The following SGPP1 variants were observed in gnomAD, a reference collection of about 807,000 sequenced individuals.
The protein encoded by SGPP1 is hSPP1.
A neutral mutation model predicts 33.0 loss-of-function variants in SGPP1; 21 were observed. That is an observed-to-expected ratio of 0.64 (90% CI 0.45 to 0.92). The LOEUF (loss-of-function observed/expected upper bound fraction) is 0.92, where lower values mean the gene tolerates loss of function less well. Ranked by LOEUF, SGPP1 falls within the 40% of genes least tolerant of loss-of-function variation. The pLI is 0.00. For synonymous variants in SGPP1, 239 were observed against 241.2 expected (o/e 0.99, Z 0.08); for missense variants, 543 against 589.4 (o/e 0.92, Z 0.81).
rs752165035 is a variant in SGPP1 at position 63,686,485 on chromosome 14, G to C, written c.946C>G (p.Arg316Gly). Residue 316 changes from arginine to glycine, a missense_variant, in exon 3 of 3, where the codon CGA becomes GGA. Coordinates refer to ENST00000247225, the MANE Select transcript of SGPP1 (RefSeq NM_030791.4). ...CCTAGTATCTCGGCTGTGTCTCCTCGGGATGTGCTCCAGGTGTCAAGAGTG... is the reference window on the plus strand; with the variant it reads ...CCTAGTATCTCGGCTGTGTCTCCTCCGGATGTGCTCCAGGTGTCAAGAGTG... ...SFTLDTWSTS[R>G]GDTAEILGSG... The C allele has an allele frequency of 1.2e-6, 2 of 1,613,880 alleles. No individual in the cohort carries two copies. Among genetic ancestry groups the C allele is most frequent in the African/African-American group, 1.3e-5 (1 of 74,866 alleles).
At chr14:63,716,814 C>T (rs1408557631) in intron 1 of SGPP1, among the ~76,000 whole-genome samples, 1 of 152,036 alleles carries the variant, frequency 6.6e-6, no homozygotes, top group East Asian at 1.9e-4. Context: ...CTGCCTCAGC[C>T]TCCCAAGTAG....
intron 2 of SGPP1, among the ~76,000 whole-genome samples, chr14:63,694,409 G>A (rs1885148790): frequency 6.6e-6 from 1 of 151,516 alleles, no homozygotes; most frequent in Admixed American, 6.6e-5. Flanking sequence ...TCCATTATTT[G>A]TTGTCCTCTA....
chr14:63,726,008 T>C (rs1040862855), intron 1 of SGPP1, among the ~76,000 whole-genome samples: 1 of 152,208 alleles, frequency 6.6e-6, no homozygotes, highest in African/African-American at 2.4e-5. Context: ...CATCACCGTA[T>C]AGCTCCTTTG....
At chr14:63,707,637 G>T (rs1171485165) in intron 1 of SGPP1, among the ~76,000 whole-genome samples, 1 of 151,522 alleles carries the variant, frequency 6.6e-6, no homozygotes, top group Non-Finnish European at 1.5e-5. Context: ...CCGGGTTCAA[G>T]CAATTCTCCT....
Position 63,707,535 on chromosome 14 carries a change from ATT to A in SGPP1, c.685-8879_685-8878del, listed in dbSNP as rs113329588. Among the ~76,000 whole-genome samples the A allele has an allele frequency of 1.3e-3, 177 of 138,932 alleles. 1 individual carries two copies. Among genetic ancestry groups the A allele is most frequent in the African/African-American group, 4.2e-3 (155 of 37,234 alleles). 91.1% of individuals were successfully genotyped at this position (138,932 alleles called of 152,430 possible). ...ATTAGTACTTCTTCATTATCTACTGATTTTTTTTTTTTTTTTTGAGATGGAGT... is the reference window on the plus strand; with the variant it reads ...ATTAGTACTTCTTCATTATCTACTGATTTTTTTTTTTTTTTGAGATGGAGT... On this transcript the variant is annotated intron_variant, in intron 1 of 2. Transcript: ENST00000247225.
intron 1 of SGPP1, among the ~76,000 whole-genome samples, chr14:63,724,727 G>T (rs1034153412): frequency 6.6e-6 from 1 of 150,644 alleles, no homozygotes; most frequent in Non-Finnish European, 1.5e-5. Context: ...GCCGATGAGC[G>T]GGGGGCGGCT....
chr14:63,724,664 C>T (rs1178252456), intron 1 of SGPP1, among the ~76,000 whole-genome samples: 5 of 145,288 alleles, frequency 3.4e-5, no homozygotes, highest in South Asian at 2.2e-4. Context: ...GGAGGCCAGG[C>T]GCGGTGGCTC....
chr14:63,707,406 G>A (rs531149872), intron 1 of SGPP1, among the ~76,000 whole-genome samples: 3 of 152,080 alleles, frequency 2.0e-5, no homozygotes, highest in Non-Finnish European at 2.9e-5. Context: ...CTTGTAACAC[G>A]TCAGAGCTAC....
intron 1 of SGPP1, among the ~76,000 whole-genome samples, chr14:63,702,486 G>A (rs1885319435): frequency 1.3e-5 from 2 of 152,082 alleles, no homozygotes; most frequent in African/African-American, 4.8e-5. Flanking sequence ...GAGGCAGGCT[G>A]ATCACTTGAG....
chr14:63,727,007 A>G (rs1315558228), intron 1 of SGPP1, among the ~76,000 whole-genome samples: 2 of 152,230 alleles, frequency 1.3e-5, no homozygotes, highest in African/African-American at 4.8e-5. Flanking sequence ...ACTCTAGGAA[A>G]AGTGTGTCCT....
chr14:63,699,988 G>A (rs537173728), intron 1 of SGPP1, among the ~76,000 whole-genome samples: 1 of 151,438 alleles, frequency 6.6e-6, no homozygotes, highest in Admixed American at 6.6e-5. Flanking sequence ...TTTGAGACAG[G>A]GTCTTACTCT....
intron 1 of SGPP1, among the ~76,000 whole-genome samples, chr14:63,701,918 C>CAAAAAAAAAAAAAAAA (rs549492142): frequency 1.8e-5 from 1 of 54,090 alleles, no homozygotes; most frequent in African/African-American, 4.9e-5. Flanking sequence ...CTGTTGACAG[C>CAAAAAAAAAAAAAAAA]AAAAAAAAAA....
chr14:63,698,114 C>T (rs1036819607), intron 2 of SGPP1, among the ~76,000 whole-genome samples: 3 of 152,174 alleles, frequency 2.0e-5, no homozygotes, highest in African/African-American at 4.8e-5. Flanking sequence ...TCCTAACATA[C>T]TGATGGGAAA....
chr14:63,698,677 A>G lies in SGPP1; in HGVS notation c.685-19T>C, dbSNP rs775974565. Reference sequence around the variant, plus strand: ...GAGGGTACTAAAGGGGAAAAAAAGTAAAATTAGTTAAACAAATTTAAGTTA... The same window carrying G: ...GAGGGTACTAAAGGGGAAAAAAAGTGAAATTAGTTAAACAAATTTAAGTTA... On this transcript the variant is annotated intron_variant, in intron 1 of 2. Coordinates refer to ENST00000247225, the MANE Select transcript of SGPP1 (RefSeq NM_030791.4). The G allele has an allele frequency of 1.5e-6, 2 of 1,347,200 alleles. No individual in the cohort carries two copies. Among genetic ancestry groups the G allele is most frequent in the East Asian group, 4.7e-5 (2 of 42,768 alleles). The allele number at this position is 1,347,200 out of a possible 1,614,324, so 83.5% of individuals were successfully genotyped here.
At chr14:63,711,383 T>C (rs1278472927) in intron 1 of SGPP1, among the ~76,000 whole-genome samples, 2 of 152,288 alleles carry the variant, frequency 1.3e-5, no homozygotes, top group African/African-American at 2.4e-5. Flanking sequence ...CTCAGGGTTC[T>C]CCAGAGAAAC....
chr14:63,712,303 T>C (rs936335330), intron 1 of SGPP1, among the ~76,000 whole-genome samples: 4 of 152,182 alleles, frequency 2.6e-5, no homozygotes, highest in African/African-American at 4.8e-5. Context: ...CCCTCTCTCT[T>C]ACTTTCACTT....
chr14:63,686,385 G>A lies in SGPP1; in HGVS notation c.1046C>T (p.Thr349Ile). 6.2e-7 allele frequency: 1 copy of A among 1,614,158 alleles called. No individual in the cohort carries two copies. The highest frequency in any genetic ancestry group is 8.5e-7 in the Non-Finnish European group (1 of 1,180,022). Reference protein sequence around the residue: ...MGLVLDPSLDTLPLAGPPITV... With the variant: ...MGLVLDPSLDILPLAGPPITV... ...AATGGGGGGCCCAGCTAAAGGTAAT[G>A]TATCTAGAGAAGGATCTAATACTAG... Residue 349 changes from threonine to isoleucine, a missense_variant, in exon 3 of 3, where the codon ACA becomes ATA. Transcript: ENST00000247225.
chr14:63,727,991 G>C lies in SGPP1; in HGVS notation c.-47C>G, dbSNP rs1193790391. 6.7e-7 allele frequency: 1 copy of C among 1,499,706 alleles called. No individual in the cohort carries two copies. 92.9% of individuals were successfully genotyped at this position (1,499,706 alleles called of 1,614,324 possible). On this transcript the variant is annotated 5_prime_UTR_variant, in exon 1 of 3. Coordinates refer to ENST00000247225, the MANE Select transcript of SGPP1 (RefSeq NM_030791.4). The stretch of plus-strand genomic sequence containing the variant: ...GCGGGCCGGCCTCCGGCGCAGCCCC[G>C]AACTGTCCCCGCGCTCCTGGCCAGC...
At chr14:63,705,632 C>A (rs1038616012) in intron 1 of SGPP1, among the ~76,000 whole-genome samples, 2 of 151,928 alleles carry the variant, frequency 1.3e-5, no homozygotes, top group Admixed American at 1.3e-4. Flanking sequence ...CATGCCATTG[C>A]GTTCTAGCCT....
Sources: allele counts gnomAD v4.1 joint callset (sites outside exome capture counted in the v4.1 genomes callset), GRCh38; gene constraint gnomAD v4.1.1; transcripts MANE v1.5; gene names NCBI Gene and HGNC (gene_info 2026-07-23, HGNC 2026-07-21).